Variants in NPAT observed in about 807,000 individuals in gnomAD.
The protein encoded by NPAT is nuclear protein, coactivator of histone transcription.
A neutral mutation model predicts 130.7 loss-of-function variants in NPAT; 52 were observed. That is an observed-to-expected ratio of 0.40 (90% CI 0.32 to 0.50). The LOEUF (loss-of-function observed/expected upper bound fraction) is 0.50. Among genes scored for constraint, NPAT ranks in the 20% least tolerant of loss-of-function variants. The pLI is 0.68. For missense variants in NPAT, 1,687 were observed against 1,662.6 expected (o/e 1.01, Z -0.26); for synonymous variants, 580 against 584.8 (o/e 0.99, Z 0.12).
Position 108,176,996 on chromosome 11 carries a change from T to C in NPAT, c.1001A>G (p.Tyr334Cys), listed in dbSNP as rs375259824. The change falls in exon 11 of 18, where the codon TAT (tyrosine) becomes TGT (cysteine). Residue 334 changes from tyrosine to cysteine, a missense_variant and splice_region_variant. Coordinates refer to ENST00000278612, the MANE Select transcript of NPAT (RefSeq NM_002519.3). ...AFQALFDLFD[Y>C]GKTKNNKNIS... is the part of the protein sequence containing the mutation. The stretch of plus-strand genomic sequence containing the variant: ...CTTGAAATAAATAGTCTCCTTACCA[T>C]AGTCAAAGAGATCAAAGAGTGCCTG... 5 of 1,591,052 alleles carry C rather than the reference T, an allele frequency of 3.1e-6. No individual in the cohort carries two copies. Among genetic ancestry groups the C allele is most frequent in the South Asian group, 1.1e-5 (1 of 90,626 alleles).
chr11:108,222,518 C>A lies in NPAT; in HGVS notation c.19G>T (p.Val7Leu). ...CGCTTACCCAATACAAGCCGGGCTA[C>A]GTCCGAGGGTAACAACATGATCAAA... is the stretch of plus-strand genomic sequence containing the variant. MLLPSD[V>L]ARLVLGYLQQ... Residue 7 changes from valine to leucine, a missense_variant, in exon 1 of 18, where the codon GTA becomes TTA. Physicochemically the swap from Val to Leu is conservative, Grantham distance 32. This residue lies in a region of NPAT where 307 missense variants were observed against 298.9 expected (regional missense o/e 1.03). Transcript: ENST00000278612. The A allele has an allele frequency of 6.2e-7, 1 of 1,613,926 alleles. No individual in the cohort carries two copies. The highest frequency in any genetic ancestry group is 8.5e-7 in the Non-Finnish European group (1 of 1,179,938).
rs948814410 is a variant in NPAT at position 108,222,504 on chromosome 11, T to C, written c.33A>G (p.Val11=). The C allele has an allele frequency of 1.3e-5, 21 of 1,613,566 alleles. No individual in the cohort carries two copies. The highest frequency in any genetic ancestry group is 1.8e-5 in the Non-Finnish European group (21 of 1,179,874). The change falls in exon 1 of 18, where the codon GTA becomes GTG. Residue 11 remains valine (V), a synonymous_variant. Transcript: ENST00000278612. The part of the protein sequence containing the change: MLLPSDVARL[V]LGYLQQENLI... ...CCATCCCGCGTCCGCGCTTACCCAATACAAGCCGGGCTACGTCCGAGGGTA... is the reference window on the plus strand; with the variant it reads ...CCATCCCGCGTCCGCGCTTACCCAACACAAGCCGGGCTACGTCCGAGGGTA...
chr11:108,176,225 T>C (rs958648738), intron 12 of NPAT, 21 bp downstream of exon 12: 6 of 1,508,334 alleles, frequency 4.0e-6, no homozygotes, highest in African/African-American at 1.4e-5. Context: ...ATTGATGATA[T>C]TAACAAAATT....
At chr11:108,196,829 A>C (rs2078226355) in intron 2 of NPAT, among the ~76,000 whole-genome samples, 1 of 152,240 alleles carries the variant, frequency 6.6e-6, no homozygotes, top group Admixed American at 6.5e-5. Flanking sequence ...TATCTGTGAT[A>C]GCCTTTAAGG....
chr11:108,185,659 C>G (rs1265114019), intron 8 of NPAT, among the ~76,000 whole-genome samples, 165 bp from the exon 9 acceptor site: 1 of 152,158 alleles, frequency 6.6e-6, no homozygotes, highest in Non-Finnish European at 1.5e-5. Context: ...GAATACAACA[C>G]TTCATAATTT....
At chr11:108,208,734 C>T (rs2078354007) in intron 1 of NPAT, 1 of 257,636 alleles carries the variant, frequency 3.9e-6, no homozygotes, top group South Asian at 3.4e-5. Context: ...ACCACACTTT[C>T]AGTAATACAT....
chr11:108,190,330 AAAAAAAAG>A, intron 5 of NPAT, 122 bp downstream of exon 5: 1 of 619,442 alleles, frequency 1.6e-6, no homozygotes, highest in Non-Finnish European at 2.7e-6. Context: ...AAAAAAAAAA[AAAAAAAAG>A]AAAGAAAAAC....
At chr11:108,188,552 G>A (rs2078131367) in intron 6 of NPAT, among the ~76,000 whole-genome samples, 1 of 152,196 alleles carries the variant, frequency 6.6e-6, no homozygotes, top group Non-Finnish European at 1.5e-5. Flanking sequence ...TTTGTGAACT[G>A]AGAGTGCTAA....
intron 1 of NPAT, among the ~76,000 whole-genome samples, chr11:108,217,835 A>G (rs2078447800): frequency 6.6e-6 from 1 of 152,074 alleles, no homozygotes; most frequent in African/African-American, 2.4e-5. Flanking sequence ...TCTACTAAAA[A>G]TACAAAAATT....
At chr11:108,205,584 A>G (rs556013470) in intron 1 of NPAT, among the ~76,000 whole-genome samples, 3 of 152,348 alleles carry the variant, frequency 2.0e-5, no homozygotes, top group South Asian at 4.1e-4. Flanking sequence ...GAAGAATTCT[A>G]TATCTAACAA....
At position 108,157,221 on chromosome 11, in the gene NPAT, A is replaced by G. The variant is rs1469459942; in HGVS notation, c.*1721T>C. ...GTTAACTATGAATCTTGAAGAAAGT[A>G]AACTTATTTTATTTGTATATGAATT... On this transcript the variant is annotated 3_prime_UTR_variant, in exon 18 of 18. Coordinates refer to ENST00000278612, the MANE Select transcript of NPAT (RefSeq NM_002519.3). 1.3e-5 allele frequency: 2 copies of G among 152,002 alleles called. No individual in the cohort carries two copies. Among genetic ancestry groups the G allele is most frequent in the African/African-American group, 4.8e-5 (2 of 41,294 alleles). 9.4% of individuals were successfully genotyped at this position (152,002 alleles called of 1,614,324 possible).
chr11:108,181,825 G>A (rs1414609824), intron 10 of NPAT, among the ~76,000 whole-genome samples: 1 of 152,082 alleles, frequency 6.6e-6, no homozygotes, highest in African/African-American at 2.4e-5. Flanking sequence ...TCACTAAGAG[G>A]TTATTCAGGT....
intron 1 of NPAT, 120 bp from the exon 2 acceptor site, chr11:108,197,540 T>C (rs2078235011): frequency 1.3e-6 from 1 of 751,952 alleles, no homozygotes; most frequent in Non-Finnish European, 2.4e-6. Context: ...TGGAATGCTC[T>C]AGTGTTTGGC....
chr11:108,161,655 G>A lies in NPAT; in HGVS notation c.3431C>T (p.Thr1144Ile), dbSNP rs1489662643. 1 of 1,613,988 alleles carries A rather than the reference G, an allele frequency of 6.2e-7. No individual in the cohort carries two copies. Among genetic ancestry groups the A allele is most frequent in the Admixed American group, 1.7e-5 (1 of 60,006 alleles). The part of the protein sequence containing the change: ...AISRHTTIRE[T>I]QSEKKVSPTE... ...TGGTGAAACTTTCTTTTCTGATTGA[G>A]TTTCTCTTATGGTGGTATGCCGGCT... Residue 1144 changes from threonine (T) to isoleucine (I), a missense_variant, in exon 17 of 18, where the codon ACT (threonine) becomes ATT (isoleucine). This residue lies in a region of NPAT where 1,379 missense variants were observed against 1,346.6 expected (regional missense o/e 1.02). Coordinates refer to ENST00000278612, the MANE Select transcript of NPAT (RefSeq NM_002519.3).
Position 108,169,919 on chromosome 11 carries a change from A to C in NPAT, c.2901+9T>G. ...CATCACCACACCATTTTCAGTTCATAAATCTTACCTGCCGAGGAGGAGTAG... is the reference window on the plus strand; with the variant it reads ...CATCACCACACCATTTTCAGTTCATCAATCTTACCTGCCGAGGAGGAGTAG... On this transcript the variant is annotated intron_variant, in intron 14 of 17. Transcript: ENST00000278612. The C allele has an allele frequency of 6.2e-7, 1 of 1,612,012 alleles. No individual in the cohort carries two copies. Among genetic ancestry groups the C allele is most frequent in the East Asian group, 2.2e-5 (1 of 44,848 alleles).
intron 10 of NPAT, among the ~76,000 whole-genome samples, chr11:108,178,422 T>TTG (rs147126073): frequency 0.013 from 1,989 of 151,676 alleles, 53 homozygotes; most frequent in African/African-American, 0.044. Context: ...ATTATTATTT[T>TTG]TGTGTGTGTG....
At chr11:108,219,998 A>C (rs911559383) in intron 1 of NPAT, among the ~76,000 whole-genome samples, 1 of 152,240 alleles carries the variant, frequency 6.6e-6, no homozygotes, top group Non-Finnish European at 1.5e-5. Context: ...GAGAAGTAGA[A>C]TACATACAAG....
rs757562197 is a variant in NPAT, at chr11:108,161,935, T to C, written c.3151A>G (p.Ser1051Gly). Residue 1051 changes from serine (S) to glycine (G), a missense_variant, in exon 17 of 18, where the codon AGT becomes GGT. Transcript: ENST00000278612. ...EETTVPFPEESIVPAAKPCHR... is the reference protein window; with the variant it reads ...EETTVPFPEEGIVPAAKPCHR... ...CATGGTTTAGCAGCTGGAACTATAC[T>C]CTCTTCTGGGAAGGGAACTGTGGTT... 30 of 1,607,614 alleles carry C rather than the reference T, an allele frequency of 1.9e-5. No homozygotes were observed. The highest frequency in any genetic ancestry group is 2.5e-5 in the Non-Finnish European group (30 of 1,177,016).
intron 1 of NPAT, among the ~76,000 whole-genome samples, chr11:108,216,848 G>A (rs2078439750): frequency 6.6e-6 from 1 of 152,102 alleles, no homozygotes; most frequent in African/African-American, 2.4e-5. Context: ...GCAATCTTGA[G>A]TTCTCATTTT....
Sources: gnomAD v4.1 joint callset for allele counts (sites outside exome capture counted in the v4.1 genomes callset) on GRCh38, gnomAD v4.1.1 for gene constraint, gnomAD v4.1.1 regional missense constraint, MANE v1.5 for transcripts, NCBI Gene and HGNC (gene_info 2026-07-23, HGNC 2026-07-21) for gene names.